Variants in ARMH4 observed in about 807,000 individuals in gnomAD.
ARMH4 encodes the protein armadillo like helical domain containing 4.
Under a neutral mutation model 61.9 loss-of-function variants are expected in ARMH4, and 49 were observed. The ratio of observed to expected loss-of-function variants is 0.79; its 90% CI spans 0.63 to 1.00. ARMH4 has a LOEUF of 1.00. Ranked by LOEUF, ARMH4 falls within the 50% of genes least tolerant of loss-of-function variation. The pLI, the probability that ARMH4 is intolerant of heterozygous loss-of-function variation, is 0.00. For synonymous variants in ARMH4, 368 were observed against 341.5 expected (o/e 1.08, Z -0.85); for missense variants, 934 against 930.0 (o/e 1.00, Z -0.06).
chr14:58,115,214 A>G (rs1181863551), intron 4 of ARMH4, among the ~76,000 whole-genome samples: 2 of 152,224 alleles, frequency 1.3e-5, no homozygotes, highest in Non-Finnish European at 2.9e-5. Context: ...TTTAATATCC[A>G]GAATCTATGA....
intron 5 of ARMH4, 150 bp downstream of exon 5, chr14:58,096,574 T>C (rs1566577748): frequency 2.2e-5 from 18 of 815,426 alleles, no homozygotes; most frequent in South Asian, 1.7e-4. Flanking sequence ...TTTATACTTA[T>C]ATTCTTAACC....
In ARMH4 at chr14:58,002,352, C is replaced by A. The variant is rs1041636682; in HGVS notation, c.*2384G>T. The A allele has an allele frequency of 6.6e-6, 1 of 152,074 alleles. No homozygotes were observed. 9.4% of individuals were successfully genotyped at this position (152,074 alleles called of 1,614,324 possible). A position where few individuals can be genotyped will look rare whatever the true frequency, so the allele number is the denominator to read the frequency against. The stretch of plus-strand genomic sequence containing the variant: ...AAATGGGTTTGTACAGAAATGTACT[C>A]TAAGTATAATCTTTTCCTTTAAGAA... On this transcript the variant is annotated 3_prime_UTR_variant, in exon 8 of 8. Transcript: ENST00000267485.
chr14:58,073,843 A>G (rs1173316426), intron 5 of ARMH4, among the ~76,000 whole-genome samples: 3 of 152,206 alleles, frequency 2.0e-5, no homozygotes, highest in Non-Finnish European at 4.4e-5. Flanking sequence ...AGTGTCCTCA[A>G]CAGTAAATGG....
intron 5 of ARMH4, among the ~76,000 whole-genome samples, chr14:58,089,908 G>A (rs1885502730): frequency 6.6e-6 from 1 of 152,178 alleles, no homozygotes; most frequent in Non-Finnish European, 1.5e-5. Flanking sequence ...TCTGCCCCAT[G>A]ACTATGTATC....
chr14:58,042,533 A>C (rs1435704965), intron 5 of ARMH4, among the ~76,000 whole-genome samples: 4 of 152,126 alleles, frequency 2.6e-5, no homozygotes, highest in African/African-American at 9.7e-5. Context: ...CATCACAATT[A>C]AAAGAACTAG....
chr14:58,141,931 A>C (rs1887573335), intron 1 of ARMH4, among the ~76,000 whole-genome samples: 1 of 152,178 alleles, frequency 6.6e-6, no homozygotes, highest in Non-Finnish European at 1.5e-5. Context: ...AAAATTAGCA[A>C]TCTTTATTGA....
intron 5 of ARMH4, among the ~76,000 whole-genome samples, chr14:58,040,614 G>T (rs1342434849): frequency 2.0e-5 from 3 of 152,140 alleles, no homozygotes; most frequent in African/African-American, 4.8e-5. Context: ...GAATAGTGCT[G>T]CAATGAACAT....
chr14:58,110,414 T>C (rs1886317468), intron 4 of ARMH4, among the ~76,000 whole-genome samples: 1 of 152,206 alleles, frequency 6.6e-6, no homozygotes, highest in East Asian at 1.9e-4. Flanking sequence ...TGTTATACAA[T>C]AACAGAAACT....
chr14:58,151,886 C>G (rs1022909734), intron 1 of ARMH4, among the ~76,000 whole-genome samples, 189 bp downstream of exon 1: 1 of 152,304 alleles, frequency 6.6e-6, no homozygotes, highest in East Asian at 1.9e-4. Context: ...CCCGCGCACC[C>G]CACACCTGGG....
Position 58,001,139 on chromosome 14 carries a change from T to A in ARMH4, c.*3597A>T, listed in dbSNP as rs1336980611. 2.0e-5 allele frequency: 3 copies of A among 152,228 alleles called. No homozygotes were observed. Among genetic ancestry groups the A allele is most frequent in the Non-Finnish European group, 4.4e-5 (3 of 68,044 alleles). 9.4% of individuals were successfully genotyped at this position (152,228 alleles called of 1,614,324 possible). On this transcript the variant is annotated 3_prime_UTR_variant, in exon 8 of 8. Coordinates refer to ENST00000267485, the MANE Select transcript of ARMH4 (RefSeq NM_001001872.4). ...CCTTCTGTCACTAGTTTATTTCACTTAGCATAATGTTCTCCATGTATATCC... is the reference window on the plus strand; with the variant it reads ...CCTTCTGTCACTAGTTTATTTCACTAAGCATAATGTTCTCCATGTATATCC...
chr14:58,145,050 T>C (rs1370118322), intron 1 of ARMH4, among the ~76,000 whole-genome samples: 1 of 152,218 alleles, frequency 6.6e-6, no homozygotes, highest in Non-Finnish European at 1.5e-5. Flanking sequence ...TAGCTGCCCC[T>C]TCCTAAACAA....
At chr14:58,061,849 G>C (rs1031569598) in intron 5 of ARMH4, among the ~76,000 whole-genome samples, 1 of 152,100 alleles carries the variant, frequency 6.6e-6, no homozygotes, top group African/African-American at 2.4e-5. Context: ...TTGGAGGTGG[G>C]GGTGGCCAGG....
At chr14:58,086,883 C>T (rs1294361610) in intron 5 of ARMH4, among the ~76,000 whole-genome samples, 3 of 152,014 alleles carry the variant, frequency 2.0e-5, no homozygotes, top group Non-Finnish European at 2.9e-5. Flanking sequence ...AAAGGGGAGA[C>T]AACTATTCCA....
At chr14:58,022,479 T>C (rs1882875805) in intron 5 of ARMH4, among the ~76,000 whole-genome samples, 1 of 152,158 alleles carries the variant, frequency 6.6e-6, no homozygotes, top group Non-Finnish European at 1.5e-5. Flanking sequence ...ATCAGGTAAA[T>C]CCCTGAGTTT....
chr14:58,050,410 C>G (rs1884096865), intron 5 of ARMH4, among the ~76,000 whole-genome samples: 1 of 152,180 alleles, frequency 6.6e-6, no homozygotes, highest in Admixed American at 6.5e-5. Context: ...ATGCCTTCCT[C>G]TCTCTCTACC....
intron 1 of ARMH4, among the ~76,000 whole-genome samples, chr14:58,150,533 T>C (rs1267421350): frequency 6.6e-6 from 1 of 152,182 alleles, no homozygotes; most frequent in Non-Finnish European, 1.5e-5. Flanking sequence ...ATTTCCGTAA[T>C]ACCAAATTAT....
intron 4 of ARMH4, chr14:58,101,650 T>C (rs1885980889): frequency 6.6e-6 from 1 of 152,140 alleles, no homozygotes; most frequent in Admixed American, 6.5e-5. Flanking sequence ...TTTTTTTTTT[T>C]CACAACTTTG....
At chr14:58,054,539 A>G (rs1003629576) in intron 5 of ARMH4, among the ~76,000 whole-genome samples, 1 of 152,230 alleles carries the variant, frequency 6.6e-6, no homozygotes, top group African/African-American at 2.4e-5. Flanking sequence ...GCAGTAGTAC[A>G]TACAATTTGT....
At chr14:58,079,500 C>A (rs569220133) in intron 5 of ARMH4, among the ~76,000 whole-genome samples, 1 of 152,312 alleles carries the variant, frequency 6.6e-6, no homozygotes, top group South Asian at 2.1e-4. Flanking sequence ...ATTACCTCTT[C>A]AAGGCTCCAC....
Sources: gnomAD v4.1 joint callset for allele counts (sites outside exome capture counted in the v4.1 genomes callset) on GRCh38, gnomAD v4.1.1 for gene constraint, MANE v1.5 for transcripts, NCBI Gene and HGNC (gene_info 2026-07-23, HGNC 2026-07-21) for gene names.